Variants in TCERG1L observed in about 807,000 individuals in gnomAD.
The protein encoded by TCERG1L is transcription elongation regulator 1 like.
In TCERG1L, 37 loss-of-function variants were observed where a neutral mutation model predicts 56.3. The ratio of observed to expected loss-of-function variants is 0.66; its 90% confidence interval spans 0.51 to 0.87. TCERG1L has a LOEUF of 0.87. Among genes scored for constraint, TCERG1L ranks in the 40% least tolerant of loss-of-function variants. The probability of loss-of-function intolerance (pLI) is 0.00; values close to 1 mark genes in which losing one functional copy is unlikely to be tolerated. For missense variants in TCERG1L, 799 were observed against 774.2 expected, an observed-to-expected ratio of 1.03 and a Z score of -0.38; for synonymous variants, 324 against 326.3, an observed-to-expected ratio of 0.99 and a Z score of 0.08.
chr10:131,289,556 TGTGTGAGC>T, intron 3 of TCERG1L, among the ~76,000 whole-genome samples: 1 of 53,052 alleles, frequency 1.9e-5, no homozygotes, highest in Non-Finnish European at 4.4e-5. Context: ...TGCACCGCTG[TGTGTGAGC>T]AGGTGTGCAC....
intron 4 of TCERG1L, among the ~76,000 whole-genome samples, chr10:131,258,869 CT>C (rs1224635770): frequency 6.6e-6 from 1 of 152,192 alleles, no homozygotes; most frequent in Non-Finnish European, 1.5e-5. Context: ...AGGTACACAG[CT>C]TTTGGTTCTA....
At position 131,291,401 on chromosome 10, in the gene TCERG1L, C is replaced by CTTTTTTTTTTTTTTTTTTTTTTTTT. The variant is rs71009957; in HGVS notation, c.670+16785_670+16809dup. ...TGTGTATATTCCATAAACAGCATTT[C>CTTTTTTTTTTTTTTTTTTTTTTTTT]TTTTTTTTTTTTTTTTTTTTTTTTT... On this transcript the variant is annotated intron_variant, in intron 3 of 11. Coordinates refer to ENST00000368642, the MANE Select transcript of TCERG1L (RefSeq NM_174937.4). Among the ~76,000 whole-genome samples the CTTTTTTTTTTTTTTTTTTTTTTTTT allele has an allele frequency of 3.3e-4, 12 of 36,596 alleles. 5 individuals carry two copies. Among genetic ancestry groups the CTTTTTTTTTTTTTTTTTTTTTTTTT allele is most frequent in the Admixed American group, 2.5e-3 (5 of 2,000 alleles). The allele number at this position is 36,596 out of a possible 152,430, so 24.0% of individuals were successfully genotyped here. A position where few individuals can be genotyped will look rare whatever the true frequency, so the allele number is the denominator to read the frequency against.
chr10:131,104,396 G>T (rs567091535), intron 9 of TCERG1L, 42 bp from the exon 10 acceptor site: 14 of 1,388,974 alleles, frequency 1.0e-5, no homozygotes, highest in Non-Finnish European at 1.4e-5. Context: ...AGCGTCTAAT[G>T]CTAAGCCTGA....
At chr10:131,106,037 C>T (rs11818493) in intron 9 of TCERG1L, among the ~76,000 whole-genome samples, 14,832 of 152,256 alleles carry the variant, frequency 0.097, 802 homozygotes, top group East Asian at 0.18. Flanking sequence ...AGCCCTGGCT[C>T]CTTTCCTAGA....
At chr10:131,259,158 C>T (rs1322261936) in intron 4 of TCERG1L, among the ~76,000 whole-genome samples, 4 of 151,584 alleles carry the variant, frequency 2.6e-5, no homozygotes, top group Non-Finnish European at 5.9e-5. Flanking sequence ...TGAAAAAGAC[C>T]ACATTAGATT....
chr10:131,243,662 A>G (rs889880996), intron 4 of TCERG1L, among the ~76,000 whole-genome samples: 3 of 152,178 alleles, frequency 2.0e-5, no homozygotes, highest in Non-Finnish European at 4.4e-5. Context: ...TGTGAGAAAC[A>G]TGGTCCTGAT....
chr10:131,302,536 A>T (rs1246125901), intron 3 of TCERG1L, among the ~76,000 whole-genome samples: 1 of 151,842 alleles, frequency 6.6e-6, no homozygotes, highest in African/African-American at 2.4e-5. Flanking sequence ...CATCTTTGGT[A>T]GGAGAAAATT....
intron 9 of TCERG1L, among the ~76,000 whole-genome samples, chr10:131,114,700 G>T (rs779699802): frequency 6.6e-6 from 1 of 152,150 alleles, no homozygotes; most frequent in Non-Finnish European, 1.5e-5. Context: ...TCCCTGCCCG[G>T]GAAGGGAAGG....
At chr10:131,244,362 A>G (rs11593512) in intron 4 of TCERG1L, among the ~76,000 whole-genome samples, 8,782 of 152,254 alleles carry the variant, frequency 0.058, 340 homozygotes, top group Middle Eastern at 0.14. Context: ...CGGGGGTTCA[A>G]GGAGTTCATC....
At chr10:131,100,746 G>T (rs920586985) in intron 10 of TCERG1L, among the ~76,000 whole-genome samples, 1 of 152,188 alleles carries the variant, frequency 6.6e-6, no homozygotes. Flanking sequence ...CCATGAAAAC[G>T]CTGTGTGACA....
intron 8 of TCERG1L, among the ~76,000 whole-genome samples, chr10:131,131,065 G>A (rs2133401616): frequency 6.6e-6 from 1 of 152,240 alleles, no homozygotes; most frequent in East Asian, 1.9e-4. Flanking sequence ...ACAAGCCCTG[G>A]GCCACAGCCG....
intron 8 of TCERG1L, among the ~76,000 whole-genome samples, chr10:131,128,489 A>G (rs1845584944): frequency 6.6e-6 from 1 of 152,260 alleles, no homozygotes; most frequent in Non-Finnish European, 1.5e-5. Context: ...ATTGTCTTCT[A>G]AAGGATAAAG....
intron 7 of TCERG1L, 129 bp downstream of exon 7, chr10:131,146,377 C>T (rs991975447): frequency 9.4e-6 from 10 of 1,067,808 alleles, no homozygotes; most frequent in South Asian, 2.7e-5. Flanking sequence ...ACTCTGCAAT[C>T]GGGCACAGGA....
chr10:131,292,700 G>A (rs1293136159), intron 3 of TCERG1L, among the ~76,000 whole-genome samples: 1 of 152,026 alleles, frequency 6.6e-6, no homozygotes, highest in Non-Finnish European at 1.5e-5. Flanking sequence ...TCGTGGTTCG[G>A]GTTGAATTGC....
rs553675372 is a variant in TCERG1L, at chr10:131,103,817, A to G, written c.1485+448T>C. On this transcript the variant is annotated intron_variant, in intron 10 of 11. Transcript: ENST00000368642. The surrounding 1 kb of genome is among the most constrained non-coding windows in gnomAD (Gnocchi z 4.3). The stretch of plus-strand genomic sequence containing the variant: ...AACCCTCTCTTCATGGCCTTCCTCC[A>G]TTCTATTTGTTAGGGGTTTCTTAAC... Among the ~76,000 whole-genome samples, 107 of 152,294 alleles carry G rather than the reference A, an allele frequency of 7.0e-4. 1 individual carries two copies. The Middle Eastern group carries it at 0.01, about 15-fold the overall frequency.
At chr10:131,304,682 T>C (rs1266669526) in intron 3 of TCERG1L, among the ~76,000 whole-genome samples, 3 of 152,128 alleles carry the variant, frequency 2.0e-5, no homozygotes, top group Admixed American at 1.3e-4. Context: ...TGCAAAATTA[T>C]TAATTGGAGA....
chr10:131,259,501 G>A (rs778360342), intron 4 of TCERG1L, among the ~76,000 whole-genome samples: 3 of 152,214 alleles, frequency 2.0e-5, no homozygotes, highest in Non-Finnish European at 2.9e-5. Flanking sequence ...TCACAAGGAT[G>A]TCTGGGTCAC....
At chr10:131,146,740 A>G (rs1845800033) in intron 6 of TCERG1L, 80 bp from the exon 7 acceptor site, 3 of 1,458,308 alleles carry the variant, frequency 2.1e-6, no homozygotes, top group Non-Finnish European at 2.8e-6. Context: ...TCTCACTGAA[A>G]AAGCCCCTCA....
At chr10:131,172,589 TGCTCCACGCGC>T (rs754028801) in intron 4 of TCERG1L, among the ~76,000 whole-genome samples, 28 of 152,372 alleles carry the variant, frequency 1.8e-4, no homozygotes, top group Non-Finnish European at 3.4e-4. Flanking sequence ...ATATCACGCG[TGCTCCACGCGC>T]GCTGGCTCCG....
Sources: gnomAD v4.1 joint callset for allele counts (sites outside exome capture counted in the v4.1 genomes callset) on GRCh38, gnomAD v4.1.1 for gene constraint, Gnocchi (gnomAD v3.1) non-coding constraint, MANE v1.5 for transcripts, NCBI Gene and HGNC (gene_info 2026-07-23, HGNC 2026-07-21) for gene names.